Variants in ATRNL1 observed in about 807,000 individuals in gnomAD.
The protein encoded by ATRNL1 is attractin-like protein 1.
Under a neutral mutation model 182.7 loss-of-function variants are expected in ATRNL1, and 95 were observed. The ratio of observed to expected loss-of-function variants is 0.52; its 90% CI spans 0.44 to 0.62. The LOEUF is 0.62. Among genes scored for constraint, ATRNL1 ranks in the 20% least tolerant of loss-of-function variants. ATRNL1 has a pLI of 0.00. For missense variants in ATRNL1, 1,471 were observed against 1,679.5 expected (o/e 0.88, Z 2.17); for synonymous variants, 576 against 568.3 (o/e 1.01, Z -0.19).
At chr10:115,833,911 C>T (rs575474619) in intron 27 of ATRNL1, among the ~76,000 whole-genome samples, 1 of 152,282 alleles carries the variant, frequency 6.6e-6, no homozygotes, top group East Asian at 1.9e-4. Context: ...AGCAACAGGG[C>T]CTGCTCTTCA....
chr10:115,853,930 C>G (rs888512990), intron 28 of ATRNL1, among the ~76,000 whole-genome samples: 2 of 152,136 alleles, frequency 1.3e-5, no homozygotes, highest in Non-Finnish European at 2.9e-5. Flanking sequence ...ACAGAAGAAA[C>G]TATTTTACCT....
chr10:115,474,873 C>T (rs2134587971), intron 24 of ATRNL1, among the ~76,000 whole-genome samples: 1 of 151,462 alleles, frequency 6.6e-6, no homozygotes, highest in Admixed American at 6.6e-5. Context: ...TAACCAAAGG[C>T]ATTGACATCA....
Position 115,467,112 on chromosome 10 carries a change from C to T in ATRNL1, c.3418-62C>T. 8.8e-6 allele frequency: 8 copies of T among 904,822 alleles called. 1 individual carries two copies. The South Asian group carries it at 1.1e-4, about 13-fold the overall frequency. The allele number at this position is 904,822 out of a possible 1,614,324, so 56.0% of individuals were successfully genotyped here. ...AAACAGACATAATTAAATCAGTAGA[C>T]TAAATCATATATATCTAGTGTAATT... On this transcript the variant is annotated intron_variant, in intron 22 of 28. Transcript: ENST00000355044.
At chr10:115,504,842 C>T (rs551556105) in intron 24 of ATRNL1, among the ~76,000 whole-genome samples, 51 of 152,044 alleles carry the variant, frequency 3.4e-4, no homozygotes, top group Admixed American at 8.5e-4. Flanking sequence ...AGTAGTGAAA[C>T]ATTGTGTACA....
At chr10:115,177,981 C>T (rs1312596411) in intron 8 of ATRNL1, among the ~76,000 whole-genome samples, 2 of 140,704 alleles carry the variant, frequency 1.4e-5, no homozygotes, top group Admixed American at 1.5e-4. Flanking sequence ...TGCAGTGGCA[C>T]GATCTCAGCT....
chr10:115,093,937 T>A lies in ATRNL1; in HGVS notation c.187T>A (p.Cys63Ser). ...CGCGCAGGTGTCCCAGTCCAAGCCG[T>A]GCGAGAGGACCGGCTCCTGCTTCTC... is the stretch of plus-strand genomic sequence containing the variant. The part of the protein sequence containing the change: ...LYAQVSQSKP[C>S]ERTGSCFSGR... Residue 63 changes from cysteine to serine, a missense_variant, in exon 1 of 29, where the codon TGC becomes AGC. Coordinates refer to ENST00000355044, the MANE Select transcript of ATRNL1 (RefSeq NM_207303.4). This position sits in a 1 kb window ranked among gnomAD's most constrained non-coding sequence, Gnocchi z 6.1. 6.3e-7 allele frequency: 1 copy of A among 1,595,552 alleles called. No homozygotes were observed. Among genetic ancestry groups the A allele is most frequent in the Non-Finnish European group, 8.5e-7 (1 of 1,172,546 alleles).
At chr10:115,203,522 A>T (rs1195834904) in intron 8 of ATRNL1, among the ~76,000 whole-genome samples, 1 of 150,400 alleles carries the variant, frequency 6.6e-6, no homozygotes, top group Non-Finnish European at 1.5e-5. Context: ...TTGAGCGTTT[A>T]GTTTACTTTT....
At chr10:115,360,923 G>T (rs1856715714) in intron 19 of ATRNL1, among the ~76,000 whole-genome samples, 1 of 151,686 alleles carries the variant, frequency 6.6e-6, no homozygotes, top group South Asian at 2.1e-4. Flanking sequence ...ATGCACTTTT[G>T]GCAGGAATAC....
intron 8 of ATRNL1, among the ~76,000 whole-genome samples, chr10:115,187,312 T>C (rs1205164461): frequency 6.6e-6 from 1 of 151,998 alleles, no homozygotes; most frequent in Non-Finnish European, 1.5e-5. Context: ...TCAGACAAAC[T>C]TCAAATAAAG....
chr10:115,256,536 TATTA>T (rs1851145233), intron 10 of ATRNL1, among the ~76,000 whole-genome samples: 1 of 152,198 alleles, frequency 6.6e-6, no homozygotes, highest in South Asian at 2.1e-4. Context: ...TTTTCTTCTT[TATTA>T]GTCTTGCTAG....
At chr10:115,717,153 G>A (rs1398823705) in intron 26 of ATRNL1, among the ~76,000 whole-genome samples, 1 of 152,064 alleles carries the variant, frequency 6.6e-6, no homozygotes, top group East Asian at 1.9e-4. Flanking sequence ...CTTATTGAGG[G>A]AACTAGGTTC....
intron 26 of ATRNL1, among the ~76,000 whole-genome samples, chr10:115,561,453 T>C (rs1554999568): frequency 6.6e-6 from 1 of 152,086 alleles, no homozygotes; most frequent in African/African-American, 2.4e-5. Context: ...AATATAACAA[T>C]AAATATAAAT....
At chr10:115,485,814 T>C (rs1554975011) in intron 24 of ATRNL1, among the ~76,000 whole-genome samples, 1 of 152,094 alleles carries the variant, frequency 6.6e-6, no homozygotes, top group East Asian at 1.9e-4. Context: ...TACATAGGTA[T>C]ACACGTGCCA....
chr10:115,308,093 T>C (rs553212934), intron 17 of ATRNL1, among the ~76,000 whole-genome samples: 33 of 152,296 alleles, frequency 2.2e-4, no homozygotes, highest in Admixed American at 1.7e-3. Flanking sequence ...AAGGCAAACT[T>C]TTCTTTGGAA....
intron 26 of ATRNL1, among the ~76,000 whole-genome samples, chr10:115,691,015 T>C (rs1946378020): frequency 6.6e-6 from 1 of 152,176 alleles, no homozygotes; most frequent in Non-Finnish European, 1.5e-5. Flanking sequence ...CTTTTCCTTC[T>C]CTGCCTCAGG....
At chr10:115,477,290 G>A (rs1013106653) in intron 24 of ATRNL1, among the ~76,000 whole-genome samples, 1 of 151,522 alleles carries the variant, frequency 6.6e-6, no homozygotes, top group African/African-American at 2.4e-5. Context: ...TGTATTGTTA[G>A]CATAAGGTGT....
chr10:115,171,498 G>T, intron 8 of ATRNL1: 1 of 411,048 alleles, frequency 2.4e-6, no homozygotes, highest in Non-Finnish European at 4.2e-6. Context: ...CAAATGAGGG[G>T]AAATATTACT....
At chr10:115,575,391 A>T (rs1355677845) in intron 26 of ATRNL1, among the ~76,000 whole-genome samples, 1 of 152,164 alleles carries the variant, frequency 6.6e-6, no homozygotes, top group African/African-American at 2.4e-5. Flanking sequence ...TGCCCTAACT[A>T]GGATTAAGTT....
chr10:115,681,758 G>A (rs1161273076), intron 26 of ATRNL1, among the ~76,000 whole-genome samples: 2 of 151,936 alleles, frequency 1.3e-5, no homozygotes, highest in South Asian at 2.1e-4. Flanking sequence ...TGTTTACCTG[G>A]GTGAATATAT....
Sources: allele counts gnomAD v4.1 joint callset (sites outside exome capture counted in the v4.1 genomes callset), GRCh38; gene constraint gnomAD v4.1.1; non-coding constraint Gnocchi (gnomAD v3.1); transcripts MANE v1.5; gene names NCBI Gene and HGNC (gene_info 2026-07-23, HGNC 2026-07-21).